Variants in RORA observed in about 807,000 individuals in gnomAD.
The protein encoded by RORA is nuclear receptor ROR-alpha.
A neutral mutation model predicts 69.5 loss-of-function variants in RORA; 7 were observed. The observed-to-expected ratio is 0.10, with a 90% CI of 0.06 to 0.19. The LOEUF is 0.19. RORA is among the 10% of genes least tolerant of loss of function. The pLI is 1.00. For synonymous variants in RORA, 261 were observed against 240.8 expected (o/e 1.08, Z -0.78); for missense variants, 457 against 663.0 (o/e 0.69, Z 3.41).
At chr15:60,557,066 C>T (rs1001882436) in intron 2 of RORA, 2 of 659,526 alleles carry the variant, frequency 3.0e-6, no homozygotes, top group African/African-American at 3.6e-5. Flanking sequence ...CCAACTCCCA[C>T]TGTCTAATTT....
intron 1 of RORA, among the ~76,000 whole-genome samples, chr15:60,823,037 CCTCT>C (rs1157820321): frequency 6.7e-6 from 1 of 148,862 alleles, no homozygotes; most frequent in Non-Finnish European, 1.5e-5. Context: ...TCCTTCCTTC[CCTCT>C]CTTTCTCTCT....
At chr15:60,561,748 A>G (rs868273768) in intron 2 of RORA, among the ~76,000 whole-genome samples, 3 of 152,156 alleles carry the variant, frequency 2.0e-5, no homozygotes, top group Non-Finnish European at 4.4e-5. Flanking sequence ...TATGAGCTAT[A>G]TAAGTGATGC....
chr15:60,754,449 A>G (rs2071768687), intron 1 of RORA, among the ~76,000 whole-genome samples: 2 of 152,208 alleles, frequency 1.3e-5, no homozygotes, highest in African/African-American at 4.8e-5. Flanking sequence ...CATCCATATC[A>G]TCTGAGTCTG....
chr15:61,119,049 G>A (rs182064828), intron 1 of RORA, among the ~76,000 whole-genome samples: 2 of 147,068 alleles, frequency 1.4e-5, no homozygotes, highest in East Asian at 4.1e-4. Flanking sequence ...GCATGAGCTG[G>A]GTGTTGAAGT....
chr15:61,085,853 T>C (rs2078617271), intron 1 of RORA, among the ~76,000 whole-genome samples: 1 of 152,232 alleles, frequency 6.6e-6, no homozygotes, highest in Admixed American at 6.5e-5. Flanking sequence ...GGCTTAACTT[T>C]AAGTTGCCAA....
rs1260899500 is a variant in RORA at position 61,061,150 on chromosome 15, G to A, written c.166+167903C>T. Among the ~76,000 whole-genome samples the A allele has an allele frequency of 6.6e-6, 1 of 152,018 alleles. No homozygotes were observed. Among genetic ancestry groups the A allele is most frequent in the African/African-American group, 2.4e-5 (1 of 41,382 alleles). On this transcript the variant is annotated intron_variant, in intron 1 of 10. Transcript: ENST00000335670. The surrounding 1 kb of genome is among the most constrained non-coding windows in gnomAD (Gnocchi z 4.4). The stretch of plus-strand genomic sequence containing the variant: ...GGGCGGATCACAAGATCAGGAGATC[G>A]AGACCATCCTGGCTAACATGGTGAA...
intron 1 of RORA, among the ~76,000 whole-genome samples, chr15:61,060,964 T>A (rs890195330): frequency 3.3e-5 from 5 of 152,186 alleles, no homozygotes; most frequent in Non-Finnish European, 7.3e-5. Flanking sequence ...AAGCTTGATA[T>A]AAAATGTCAA....
intron 1 of RORA, among the ~76,000 whole-genome samples, chr15:60,963,295 G>C (rs1350892777): frequency 6.6e-6 from 1 of 152,222 alleles, no homozygotes; most frequent in Non-Finnish European, 1.5e-5. Context: ...TGTGCAGATG[G>C]TGCAGGGGAG....
chr15:60,925,777 C>T (rs748358216), intron 1 of RORA, among the ~76,000 whole-genome samples: 19 of 152,308 alleles, frequency 1.2e-4, no homozygotes, highest in African/African-American at 3.1e-4. Context: ...CGAACCTGTA[C>T]GTTTCTGTCC....
chr15:60,678,694 A>G lies in RORA; in HGVS notation c.167-8T>C, dbSNP rs201591075. 7.8e-5 allele frequency: 125 copies of G among 1,610,816 alleles called. No homozygotes were observed. The East Asian group carries it at 2.8e-3, about 36-fold the overall frequency. The stretch of plus-strand genomic sequence containing the variant: ...TCTTCGTTACTGAGATACCTGGAAG[A>G]GAAGAAACAATAACATAGGTTAGAA... On this transcript the variant is annotated splice_region_variant and splice_polypyrimidine_tract_variant and intron_variant, in intron 1 of 10. Coordinates refer to ENST00000335670, the MANE Select transcript of RORA (RefSeq NM_134261.3).
intron 1 of RORA, among the ~76,000 whole-genome samples, chr15:60,800,064 C>A (rs188429877): frequency 2.5e-4 from 38 of 152,344 alleles, no homozygotes; most frequent in Non-Finnish European, 4.7e-4. Context: ...GCCTCTCCTC[C>A]CAACCTCGTA....
At chr15:60,658,824 G>A (rs561515418) in intron 2 of RORA, among the ~76,000 whole-genome samples, 1 of 152,170 alleles carries the variant, frequency 6.6e-6, no homozygotes, top group East Asian at 1.9e-4. Flanking sequence ...TATTTCAATT[G>A]TGATGTTTGG....
intron 1 of RORA, among the ~76,000 whole-genome samples, chr15:61,225,839 T>C (rs886719518): frequency 6.6e-6 from 1 of 152,220 alleles, no homozygotes; most frequent in Admixed American, 6.5e-5. Flanking sequence ...CTGTGGTTTT[T>C]TTTCCGCTTC....
chr15:60,762,510 T>C lies in RORA; in HGVS notation c.167-83824A>G, dbSNP rs114451367. 5.9e-3 allele frequency among the ~76,000 whole-genome samples: 902 copies of C among 152,200 alleles called. 7 individuals are homozygous for C. The highest frequency in any genetic ancestry group is 0.019 in the African/African-American group (797 of 41,532). ...GGAGGACATATTACAGCCAACTGTG[T>C]GCCTTTAAAGAAGTGCATGAAACAC... On this transcript the variant is annotated intron_variant, in intron 1 of 10. Transcript: ENST00000335670.
chr15:60,925,176 A>T (rs1257513565), intron 1 of RORA, among the ~76,000 whole-genome samples: 1 of 152,184 alleles, frequency 6.6e-6, no homozygotes, highest in Non-Finnish European at 1.5e-5. Context: ...GTGCCTCCTT[A>T]TCACATCCTG....
intron 1 of RORA, among the ~76,000 whole-genome samples, chr15:60,741,310 T>C (rs1429271959): frequency 6.6e-6 from 1 of 152,214 alleles, no homozygotes; most frequent in Non-Finnish European, 1.5e-5. Flanking sequence ...TTGCAGGGGC[T>C]GCGTGCGCTC....
intron 1 of RORA, among the ~76,000 whole-genome samples, chr15:61,027,019 A>T (rs1895853105): frequency 1.3e-5 from 2 of 151,864 alleles, no homozygotes; most frequent in African/African-American, 2.4e-5. Context: ...AAAAAAAAAA[A>T]GCTGTTGAAT....
chr15:60,633,245 C>T (rs2069774254), intron 2 of RORA, among the ~76,000 whole-genome samples: 1 of 152,180 alleles, frequency 6.6e-6, no homozygotes, highest in South Asian at 2.1e-4. Context: ...AACCACAGAG[C>T]ACCTTGCAGT....
intron 1 of RORA, among the ~76,000 whole-genome samples, chr15:60,708,702 C>T (rs1451618687): frequency 6.6e-6 from 1 of 152,190 alleles, no homozygotes; most frequent in Non-Finnish European, 1.5e-5. Flanking sequence ...TACACTTTCC[C>T]CCCAACCCTG....
Sources: allele counts gnomAD v4.1 joint callset (sites outside exome capture counted in the v4.1 genomes callset), GRCh38; gene constraint gnomAD v4.1.1; non-coding constraint Gnocchi (gnomAD v3.1); transcripts MANE v1.5; gene names NCBI Gene and HGNC (gene_info 2026-07-23, HGNC 2026-07-21).